MID1: variants seen among roughly 807,000 people sequenced by gnomAD.
MID1 encodes the protein midline 1, also known as E3 ubiquitin-protein ligase Midline-1.
In MID1, 7 loss-of-function variants were observed where a neutral mutation model predicts 40.4. That is an observed-to-expected ratio of 0.17 (90% CI 0.10 to 0.33). The LOEUF is 0.33. MID1 is among the 10% of genes least tolerant of loss of function. The pLI is 1.00. For missense variants in MID1, 367 were observed against 558.5 expected (o/e 0.66, Z 3.46); for synonymous variants, 229 against 221.2 (o/e 1.04, Z -0.31).
Position 10,655,579 on chromosome X carries a change from T to C in MID1, c.-186-35160A>G, listed in dbSNP as rs565028726. Among the ~76,000 whole-genome samples the C allele has an allele frequency of 2.9e-4, 32 of 111,121 alleles. No homozygotes were observed. In the South Asian group the frequency reaches 0.012, roughly 41 times the overall value. ...TGCAGCTTCAAATGCCCTCTGATAGTAGATCACATGAATTGGTCACAAATT... is the reference window on the plus strand; with the variant it reads ...TGCAGCTTCAAATGCCCTCTGATAGCAGATCACATGAATTGGTCACAAATT... On this transcript the variant is annotated intron_variant, in intron 1 of 10. Transcript: ENST00000380785.
rs1413307309 is a variant in MID1, at chrX:10,786,281, C to G, written c.-187+47273G>C. 3.2e-3 allele frequency among the ~76,000 whole-genome samples: 359 copies of G among 110,732 alleles called. 1 individual carries two copies. Among genetic ancestry groups the G allele is most frequent in the Non-Finnish European group, 5.6e-3 (297 of 52,807 alleles). On this transcript the variant is annotated intron_variant, in intron 1 of 10. Transcript: ENST00000380785. Reference sequence around the variant, plus strand: ...AACCACAATGAGATACCATCTCACACCAGTTAGAATGGCAATCATTAAAAA... The same window carrying G: ...AACCACAATGAGATACCATCTCACAGCAGTTAGAATGGCAATCATTAAAAA...
At chrX:10,652,971 C>T (rs771364946) in intron 1 of MID1, among the ~76,000 whole-genome samples, 8 of 111,945 alleles carry the variant, frequency 7.1e-5, no homozygotes, top group African/African-American at 2.6e-4. Context: ...TTTGTATTTG[C>T]AGCACCCCTC....
At chrX:10,727,350 C>G (rs1339626669) in intron 1 of MID1, among the ~76,000 whole-genome samples, 3 of 112,220 alleles carry the variant, frequency 2.7e-5, no homozygotes, top group South Asian at 3.7e-4. Flanking sequence ...AACTCCTGAC[C>G]TCAGGTGATC....
intron 1 of MID1, among the ~76,000 whole-genome samples, chrX:10,672,339 A>T (rs1348371704): frequency 8.9e-6 from 1 of 112,076 alleles, no homozygotes; most frequent in Admixed American, 9.5e-5. Flanking sequence ...GGCAAAAGGG[A>T]CCTTGCAGAT....
chrX:10,517,868 A>G (rs1932528669), intron 3 of MID1, among the ~76,000 whole-genome samples: 1 of 112,339 alleles, frequency 8.9e-6, no homozygotes, highest in African/African-American at 3.2e-5. Context: ...TTTGAAGTAG[A>G]TAATCCACAC....
At chrX:10,575,338 T>TGAAAC (rs1234433639) in intron 1 of MID1, among the ~76,000 whole-genome samples, 1 of 111,947 alleles carries the variant, frequency 8.9e-6, no homozygotes, top group Non-Finnish European at 1.9e-5. Context: ...TACTGAAGTG[T>TGAAAC]GAAACACTGG....
At chrX:10,789,584 C>T (rs1232749046) in intron 1 of MID1, among the ~76,000 whole-genome samples, 1 of 112,437 alleles carries the variant, frequency 8.9e-6, no homozygotes, top group Non-Finnish European at 1.9e-5. Context: ...TAGGCTCTAC[C>T]ATACAGCCTA....
chrX:10,547,745 A>G (rs1184754363), intron 2 of MID1, among the ~76,000 whole-genome samples: 2 of 111,222 alleles, frequency 1.8e-5, no homozygotes, highest in Admixed American at 9.6e-5. Context: ...TTAAAGCACA[A>G]TCTCATATAT....
intron 2 of MID1, among the ~76,000 whole-genome samples, chrX:10,532,875 C>T (rs376213320): frequency 3.7e-5 from 4 of 108,974 alleles, no homozygotes; most frequent in African/African-American, 1.3e-4. Context: ...TCAAGCGATT[C>T]TCCTGCCTCA....
At chrX:10,552,726 T>C (rs1569100574) in intron 2 of MID1, among the ~76,000 whole-genome samples, 3 of 111,409 alleles carry the variant, frequency 2.7e-5, no homozygotes, top group African/African-American at 6.5e-5. Context: ...GGGGTAAAGA[T>C]AGAGGCATTC....
chrX:10,526,176 A>G (rs1465271083), intron 2 of MID1, among the ~76,000 whole-genome samples: 2 of 111,781 alleles, frequency 1.8e-5, no homozygotes, highest in African/African-American at 3.3e-5. Context: ...AAGGGGAAGA[A>G]TAACTTTTTC....
intron 3 of MID1, among the ~76,000 whole-genome samples, chrX:10,517,353 A>G (rs890317783): frequency 1.8e-5 from 2 of 112,266 alleles, no homozygotes; most frequent in Non-Finnish European, 3.8e-5. Flanking sequence ...CACTGATTTA[A>G]AAGAATAGCA....
intron 2 of MID1, among the ~76,000 whole-genome samples, chrX:10,530,249 C>G (rs1932925676): frequency 8.9e-6 from 1 of 112,039 alleles, no homozygotes; most frequent in Admixed American, 9.5e-5. Flanking sequence ...TTGCTCCCAG[C>G]CTTAATTCAT....
intron 1 of MID1, among the ~76,000 whole-genome samples, chrX:10,748,721 C>A (rs971097045): frequency 1.8e-5 from 2 of 111,759 alleles, no homozygotes; most frequent in African/African-American, 6.5e-5. Context: ...GCGATGTCAT[C>A]CCAAAGAAGA....
At position 10,736,278 on chromosome X, in the gene MID1, TTAAC is replaced by T. The variant is rs771849445; in HGVS notation, c.-187+97272_-187+97275del. Reference sequence around the variant, plus strand: ...ACAGGAGTGAGTAAAATTGTTATCTTTAACTACTATTCTCACACTGAGTTTGAAA... The same window carrying T: ...ACAGGAGTGAGTAAAATTGTTATCTTTACTATTCTCACACTGAGTTTGAAA... On this transcript the variant is annotated intron_variant, in intron 1 of 10. Coordinates refer to the MID1 transcript ENST00000380785. Among the ~76,000 whole-genome samples the T allele has an allele frequency of 2.7e-5, 3 of 112,237 alleles. No individual in the cohort carries two copies. In the South Asian group the frequency reaches 1.1e-3, roughly 41 times the overall value.
chrX:10,511,228 A>G (rs1932138220), intron 3 of MID1, among the ~76,000 whole-genome samples: 1 of 106,277 alleles, frequency 9.4e-6, no homozygotes, highest in Non-Finnish European at 1.9e-5. Context: ...CCTGGGTGAC[A>G]GAGCAAGACT....
At chrX:10,789,027 CAAAT>C (rs200499889) in intron 1 of MID1, among the ~76,000 whole-genome samples, 6 of 103,899 alleles carry the variant, frequency 5.8e-5, no homozygotes, top group Non-Finnish European at 9.5e-5. Flanking sequence ...AAACACAAAA[CAAAT>C]AAACAAAAAA....
At chrX:10,495,376 A>G (rs761606020) in intron 4 of MID1, among the ~76,000 whole-genome samples, 1 of 111,406 alleles carries the variant, frequency 9.0e-6, no homozygotes, top group South Asian at 3.9e-4. Flanking sequence ...CTTGTATCAC[A>G]GGTCTTCACA....
At chrX:10,666,406 CA>C (rs33938561) in intron 1 of MID1, among the ~76,000 whole-genome samples, 3,123 of 68,724 alleles carry the variant, frequency 0.045, 47 homozygotes, top group African/African-American at 0.062. Context: ...TGATAAACTG[CA>C]AAAAAAAAAA....
Sources: allele counts gnomAD v4.1 joint callset (sites outside exome capture counted in the v4.1 genomes callset), GRCh38; gene constraint gnomAD v4.1.1; transcripts MANE v1.5; gene names NCBI Gene and HGNC (gene_info 2026-07-23, HGNC 2026-07-21).